Variants in CMIP observed in about 807,000 individuals in gnomAD.
CMIP encodes C-Maf-inducing protein.
CMIP carries 13 observed loss-of-function variants against 97.3 expected under a neutral mutation model. That is an observed-to-expected ratio of 0.13 (90% CI 0.09 to 0.21). CMIP has a LOEUF of 0.21. CMIP is among the 10% of genes least tolerant of loss of function. The pLI is 1.00. For synonymous variants in CMIP, 538 were observed against 436.3 expected, an observed-to-expected ratio of 1.23 and a Z score of -2.91; for missense variants, 847 against 1,024.9, an observed-to-expected ratio of 0.83 and a Z score of 2.37.
chr16:81,652,501 T>C lies in CMIP; in HGVS notation c.639+137T>C. ...CCCTGCTGCCGAAGGAGGTGAGCAG[T>C]TGCCCACCCAGCCGTGTGTGGGAGT... On this transcript the variant is annotated intron_variant, in intron 4 of 20. Transcript: ENST00000537098. This position sits in a 1 kb window ranked among gnomAD's most constrained non-coding sequence, Gnocchi z 5.2. 1.4e-6 allele frequency: 1 copy of C among 737,448 alleles called. No homozygotes were observed. Among genetic ancestry groups the C allele is most frequent in the South Asian group, 1.9e-5 (1 of 53,864 alleles). 45.7% of individuals were successfully genotyped at this position (737,448 alleles called of 1,614,324 possible).
intron 1 of CMIP, among the ~76,000 whole-genome samples, chr16:81,578,201 C>A (rs1484241339): frequency 6.6e-6 from 1 of 151,628 alleles, no homozygotes; most frequent in Non-Finnish European, 1.5e-5. Flanking sequence ...CTGTCACCAT[C>A]ACCATCATCA....
chr16:81,579,163 C>T (rs1221473555), intron 1 of CMIP, among the ~76,000 whole-genome samples: 2 of 152,166 alleles, frequency 1.3e-5, no homozygotes, highest in African/African-American at 4.8e-5. Context: ...CCCCCTGCCT[C>T]CTAGGGCTAT....
At chr16:81,705,878 A>G (rs1016207602) in intron 19 of CMIP, among the ~76,000 whole-genome samples, 1 of 152,222 alleles carries the variant, frequency 6.6e-6, no homozygotes, top group East Asian at 1.9e-4. Flanking sequence ...TGACACTCAC[A>G]GTCCACTGAG....
chr16:81,559,925 A>T (rs969002356), intron 1 of CMIP, among the ~76,000 whole-genome samples: 1 of 152,024 alleles, frequency 6.6e-6, no homozygotes. Flanking sequence ...AGGCAGGTAG[A>T]TCATCTGAGG....
At chr16:81,620,949 G>T (rs2150960968) in intron 3 of CMIP, 23 bp downstream of exon 3, 1 of 1,612,910 alleles carries the variant, frequency 6.2e-7, no homozygotes, top group Middle Eastern at 1.7e-4. Context: ...TCGGTTGCTT[G>T]TTTAAAGCGA....
rs1350225970 is a variant in CMIP, at chr16:81,711,537, C to G, written c.*1738C>G. ...CTTTCCCCCCTCCGGTCCCATACTTCACAGCACTCTGGTGCGGGAAGAAGC... is the reference window on the plus strand; with the variant it reads ...CTTTCCCCCCTCCGGTCCCATACTTGACAGCACTCTGGTGCGGGAAGAAGC... On this transcript the variant is annotated 3_prime_UTR_variant, in exon 21 of 21. Transcript: ENST00000537098. 3 of 147,438 alleles carry G rather than the reference C, an allele frequency of 2.0e-5. No individual in the cohort carries two copies. The highest frequency in any genetic ancestry group is 7.6e-5 in the African/African-American group (3 of 39,644). 9.1% of individuals were successfully genotyped at this position (147,438 alleles called of 1,614,324 possible).
At chr16:81,570,873 G>C (rs1006568163) in intron 1 of CMIP, among the ~76,000 whole-genome samples, 2 of 152,096 alleles carry the variant, frequency 1.3e-5, no homozygotes, top group African/African-American at 4.8e-5. Context: ...TGCGTGACTG[G>C]GACAAGTCTG....
chr16:81,673,988 C>CA (rs1331759349), intron 9 of CMIP, among the ~76,000 whole-genome samples: 1 of 152,172 alleles, frequency 6.6e-6, no homozygotes, highest in Non-Finnish European at 1.5e-5. Flanking sequence ...GGGGATTTCT[C>CA]AAACAAATGC....
At chr16:81,625,511 G>A (rs145178408) in intron 3 of CMIP, among the ~76,000 whole-genome samples, 5 of 152,362 alleles carry the variant, frequency 3.3e-5, no homozygotes, top group East Asian at 1.9e-4. Context: ...GTGTGCACAC[G>A]AGGCCATGAA....
chr16:81,496,559 G>A (rs997803930), intron 1 of CMIP, among the ~76,000 whole-genome samples: 1 of 152,218 alleles, frequency 6.6e-6, no homozygotes, highest in Non-Finnish European at 1.5e-5. Flanking sequence ...CCCTTTGAAT[G>A]GATGACGATG....
intron 3 of CMIP, among the ~76,000 whole-genome samples, chr16:81,632,397 A>C (rs138018110): frequency 2.0e-4 from 30 of 152,334 alleles, no homozygotes; most frequent in African/African-American, 7.0e-4. Flanking sequence ...CACCACGCAG[A>C]CTTTATCATC....
intron 1 of CMIP, among the ~76,000 whole-genome samples, chr16:81,546,922 G>T (rs1480773191): frequency 6.6e-6 from 1 of 152,222 alleles, no homozygotes; most frequent in Admixed American, 6.5e-5. Flanking sequence ...TTGTACTGGA[G>T]AGTGCCGATG....
At chr16:81,521,713 G>T (rs767673323) in intron 1 of CMIP, among the ~76,000 whole-genome samples, 16 of 152,342 alleles carry the variant, frequency 1.1e-4, no homozygotes, top group Middle Eastern at 6.8e-3. Flanking sequence ...GCTAACAGGA[G>T]AAACCAATTG....
chr16:81,498,391 C>G (rs1434220575), intron 1 of CMIP, among the ~76,000 whole-genome samples: 1 of 152,216 alleles, frequency 6.6e-6, no homozygotes, highest in East Asian at 1.9e-4. Context: ...AGATGCGGCC[C>G]TTGTCCCCCG....
chr16:81,649,590 G>T (rs1567633563), intron 3 of CMIP, among the ~76,000 whole-genome samples: 1 of 152,220 alleles, frequency 6.6e-6, no homozygotes, highest in Non-Finnish European at 1.5e-5. Flanking sequence ...GATTTTTGAG[G>T]CCTTTTAAAA....
chr16:81,639,206 A>C (rs1182905983), intron 3 of CMIP, among the ~76,000 whole-genome samples: 1 of 152,164 alleles, frequency 6.6e-6, no homozygotes, highest in African/African-American at 2.4e-5. Context: ...TGGGGGTCGC[A>C]CCTGTTAACC....
At chr16:81,696,493 A>G in intron 13 of CMIP, 67 bp from the exon 14 acceptor site, 3 of 1,459,230 alleles carry the variant, frequency 2.1e-6, no homozygotes, top group East Asian at 2.4e-5. Flanking sequence ...TCATGTGTGC[A>G]GATCATGGTC....
At chr16:81,567,151 G>C (rs1041266682) in intron 1 of CMIP, among the ~76,000 whole-genome samples, 5 of 152,252 alleles carry the variant, frequency 3.3e-5, no homozygotes, top group Admixed American at 2.6e-4. Flanking sequence ...ATGCTCACTG[G>C]GTCTTCGGAG....
chr16:81,691,349 A>G (rs930809767), intron 10 of CMIP, among the ~76,000 whole-genome samples: 1 of 151,806 alleles, frequency 6.6e-6, no homozygotes, highest in Non-Finnish European at 1.5e-5. Flanking sequence ...GCCTCATTGT[A>G]ACCTAATCAC....
Sources: allele counts gnomAD v4.1 joint callset (sites outside exome capture counted in the v4.1 genomes callset), GRCh38; gene constraint gnomAD v4.1.1; non-coding constraint Gnocchi (gnomAD v3.1); transcripts MANE v1.5; gene names NCBI Gene and HGNC (gene_info 2026-07-23, HGNC 2026-07-21).